The following ANKS1B variants were observed in gnomAD, a reference collection of about 807,000 sequenced individuals.
The protein encoded by ANKS1B is ankyrin repeat and sterile alpha motif domain containing 1B.
A neutral mutation model predicts 148.3 loss-of-function variants in ANKS1B; 36 were observed. The observed-to-expected ratio is 0.24, with a 90% CI of 0.19 to 0.32. ANKS1B has a LOEUF of 0.32. ANKS1B is among the 10% of genes least tolerant of loss of function. The pLI is 1.00. For synonymous variants in ANKS1B, 542 were observed against 560.8 expected (o/e 0.97, Z 0.47); for missense variants, 1,157 against 1,542.6 (o/e 0.75, Z 4.19).
Position 99,408,766 on chromosome 12 carries a change from C to A in ANKS1B, c.1576-8955G>T, listed in dbSNP as rs1257603664. Among the ~76,000 whole-genome samples, 4 of 146,148 alleles carry A rather than the reference C, an allele frequency of 2.7e-5. 1 individual carries two copies. Among genetic ancestry groups the A allele is most frequent in the African/African-American group, 1.0e-4 (4 of 38,590 alleles). ...AGAAAAGGTGTTCAATATTACTGAT[C>A]ATATGAGAAATGCAAATTACAACTA... On this transcript the variant is annotated intron_variant, in intron 11 of 26. Coordinates refer to ENST00000683438, the MANE Select transcript of ANKS1B (RefSeq NM_001352186.2).
intron 8 of ANKS1B, among the ~76,000 whole-genome samples, chr12:99,667,426 A>T (rs1395596346): frequency 7.9e-5 from 12 of 151,904 alleles, no homozygotes; most frequent in South Asian, 4.1e-4. Flanking sequence ...TAAAAAAAAA[A>T]TTTGATTTTT....
intron 12 of ANKS1B, among the ~76,000 whole-genome samples, chr12:99,317,445 T>A (rs563112598): frequency 2.3e-4 from 35 of 152,348 alleles, no homozygotes; most frequent in Admixed American, 2.2e-3. Flanking sequence ...GGGAGTTCAC[T>A]CATGATTTGG....
intron 17 of ANKS1B, among the ~76,000 whole-genome samples, chr12:99,015,884 C>A (rs1437973536): frequency 2.6e-5 from 4 of 151,838 alleles, no homozygotes; most frequent in African/African-American, 9.7e-5. Flanking sequence ...AAACAAAAAA[C>A]AAACAAAAAA....
At chr12:99,484,748 T>TTGTG (rs764549996) in intron 10 of ANKS1B, among the ~76,000 whole-genome samples, 1 of 142,688 alleles carries the variant, frequency 7.0e-6, no homozygotes. Flanking sequence ...GTGACCGTCT[T>TTGTG]TGTGTGTGTG....
intron 17 of ANKS1B, among the ~76,000 whole-genome samples, chr12:98,914,587 C>A (rs1433897723): frequency 6.6e-6 from 1 of 151,966 alleles, no homozygotes; most frequent in African/African-American, 2.4e-5. Flanking sequence ...TTTCTCAGAC[C>A]CCCATTCCCA....
intron 15 of ANKS1B, among the ~76,000 whole-genome samples, chr12:99,119,396 T>A (rs2062174275): frequency 4.6e-5 from 7 of 152,222 alleles, no homozygotes; most frequent in Admixed American, 4.6e-4. Flanking sequence ...TGAATTCCTG[T>A]TCTCCAAAAC....
chr12:99,230,784 T>G (rs564018840), intron 14 of ANKS1B, among the ~76,000 whole-genome samples: 1 of 152,252 alleles, frequency 6.6e-6, no homozygotes, highest in South Asian at 2.1e-4. Flanking sequence ...TTACTGAAAT[T>G]CACATTTTTA....
Position 99,806,521 on chromosome 12 carries a change from A to T in ANKS1B, c.552T>A (p.His184Gln). 2 of 1,613,896 alleles carry T rather than the reference A, an allele frequency of 1.2e-6. No homozygotes were observed. Among genetic ancestry groups the T allele is most frequent in the Non-Finnish European group, 1.7e-6 (2 of 1,179,860 alleles). The change falls in exon 4 of 27, where the codon CAT becomes CAA. Residue 184 changes from histidine (H) to glutamine (Q), a missense_variant. Coordinates refer to ENST00000683438, the MANE Select transcript of ANKS1B (RefSeq NM_001352186.2). The stretch of plus-strand genomic sequence containing the variant: ...GAGTGTTGCAGCTCATTAAGTTAGG[A>T]TGTGCACTGATGATCATTTTTACCA... ...LRVVKMIISAHPNLMSCNTRK... is the reference protein window; with the variant it reads ...LRVVKMIISAQPNLMSCNTRK...
intron 1 of ANKS1B, among the ~76,000 whole-genome samples, chr12:99,969,241 T>G (rs1329206371): frequency 6.6e-6 from 1 of 152,136 alleles, no homozygotes; most frequent in Non-Finnish European, 1.5e-5. Flanking sequence ...TACAGTGGCA[T>G]GATCATAGCT....
chr12:99,671,354 A>G (rs1312436744), intron 8 of ANKS1B, among the ~76,000 whole-genome samples: 6 of 151,876 alleles, frequency 4.0e-5, no homozygotes, highest in Admixed American at 3.9e-4. Flanking sequence ...GTGTGTGTGT[A>G]TATTGGACTG....
chr12:99,454,062 G>A (rs2095804599), intron 10 of ANKS1B, among the ~76,000 whole-genome samples: 1 of 152,240 alleles, frequency 6.6e-6, no homozygotes, highest in South Asian at 2.1e-4. Context: ...CAACAGGGCA[G>A]AAGCATGAAC....
Position 99,950,736 on chromosome 12 carries a change from C to T in ANKS1B, c.134+33368G>A, listed in dbSNP as rs188573606. Among the ~76,000 whole-genome samples the T allele has an allele frequency of 8.8e-4, 134 of 152,208 alleles. 1 individual carries two copies. Among genetic ancestry groups the T allele is most frequent in the Admixed American group, 7.8e-3 (119 of 15,296 alleles). On this transcript the variant is annotated intron_variant, in intron 1 of 26. Transcript: ENST00000683438. ...ATTTGTTCCCCTCAAAACCACCCCC[C>T]CCAATAACCCTCCATCCTTTTTCTC...
chr12:99,373,171 C>A (rs1180251123), intron 12 of ANKS1B, among the ~76,000 whole-genome samples: 1 of 152,006 alleles, frequency 6.6e-6, no homozygotes, highest in African/African-American at 2.4e-5. Context: ...GTGAACTTGA[C>A]CACTAGTGAG....
intron 9 of ANKS1B, among the ~76,000 whole-genome samples, chr12:99,510,812 G>A (rs971136912): frequency 6.6e-6 from 1 of 151,896 alleles, no homozygotes; most frequent in Non-Finnish European, 1.5e-5. Context: ...ATGAAAGGAA[G>A]ACTCAAATAA....
chr12:99,970,725 C>A (rs982570443), intron 1 of ANKS1B, among the ~76,000 whole-genome samples: 1 of 152,138 alleles, frequency 6.6e-6, no homozygotes, highest in African/African-American at 2.4e-5. Flanking sequence ...GCCTGAAATG[C>A]CCTTTCTCCA....
intron 1 of ANKS1B, among the ~76,000 whole-genome samples, chr12:99,955,471 C>T (rs12817761): frequency 1.8e-4 from 21 of 117,000 alleles, no homozygotes; most frequent in African/African-American, 6.1e-4. Flanking sequence ...CCAGCCTGGG[C>T]GACAGAGCGA....
intron 15 of ANKS1B, among the ~76,000 whole-genome samples, chr12:99,141,178 C>T (rs568028713): frequency 6.6e-6 from 1 of 152,216 alleles, no homozygotes; most frequent in Admixed American, 6.5e-5. Flanking sequence ...TCCAGTCTCT[C>T]CTGTTTTAAA....
At chr12:99,890,414 G>C (rs2093033160) in intron 1 of ANKS1B, among the ~76,000 whole-genome samples, 1 of 152,156 alleles carries the variant, frequency 6.6e-6, no homozygotes, top group Non-Finnish European at 1.5e-5. Flanking sequence ...TTTCCAGCCT[G>C]CCTGGCATGT....
At chr12:99,643,515 C>A (rs1423925687) in intron 9 of ANKS1B, among the ~76,000 whole-genome samples, 1 of 152,192 alleles carries the variant, frequency 6.6e-6, no homozygotes, top group Non-Finnish European at 1.5e-5. Flanking sequence ...TTGGAGTTCT[C>A]AGCTCTACCC....
Sources: allele counts gnomAD v4.1 joint callset (sites outside exome capture counted in the v4.1 genomes callset), GRCh38; gene constraint gnomAD v4.1.1; transcripts MANE v1.5; gene names NCBI Gene and HGNC (gene_info 2026-07-23, HGNC 2026-07-21).